CREBBP: variants seen among roughly 807,000 people sequenced by gnomAD.
The protein encoded by CREBBP is CREB binding lysine acetyltransferase, also known as CREB-binding protein.
CREBBP carries 19 observed loss-of-function variants against 265.0 expected under a neutral mutation model. The ratio of observed to expected loss-of-function variants is 0.07; its 90% CI spans 0.05 to 0.11. The LOEUF is 0.11. Ranked by LOEUF, CREBBP falls within the 10% of genes least tolerant of loss-of-function variation. The probability of loss-of-function intolerance (pLI) is 1.00; values close to 1 mark genes in which losing one functional copy is unlikely to be tolerated. For missense variants in CREBBP, 2,525 were observed against 3,219.0 expected (o/e 0.78, Z 5.22); for synonymous variants, 1,457 against 1,223.7 (o/e 1.19, Z -3.98).
intron 23 of CREBBP, chr16:3,743,577 C>A (rs2052267997): frequency 6.6e-6 from 1 of 152,162 alleles, no homozygotes; most frequent in African/African-American, 2.4e-5. Context: ...ACCTGTCCTG[C>A]CAGAGAAAGG....
At chr16:3,771,351 G>A (rs895736682) in intron 13 of CREBBP, among the ~76,000 whole-genome samples, 1 of 152,132 alleles carries the variant, frequency 6.6e-6, no homozygotes, top group South Asian at 2.1e-4. Flanking sequence ...TTACAGGCGT[G>A]AGCCACCGCG....
rs1448056936 is a variant in CREBBP, at chr16:3,732,057, G to A, written c.4729-120C>T. The A allele has an allele frequency of 2.5e-6, 4 of 1,573,100 alleles. No homozygotes were observed. The East Asian group carries it at 6.7e-5, about 26-fold the overall frequency. On this transcript the variant is annotated intron_variant, in intron 28 of 30. Coordinates refer to ENST00000262367, the MANE Select transcript of CREBBP (RefSeq NM_004380.3). Reference sequence around the variant, plus strand: ...GGCCAAAGTAGGTCACCACCAGGCAGACCCCATACGTGAACGGCTACAGGT... The same window carrying A: ...GGCCAAAGTAGGTCACCACCAGGCAAACCCCATACGTGAACGGCTACAGGT...
chr16:3,771,052 A>G, intron 13 of CREBBP, 66 bp from the exon 14 acceptor site: 11 of 1,591,830 alleles, frequency 6.9e-6, no homozygotes, highest in Non-Finnish European at 9.4e-6. Context: ...GAAACATTTG[A>G]AAAATTAAAT....
chr16:3,810,761 T>G lies in CREBBP; in HGVS notation c.817A>C (p.Thr273Pro). 1 of 1,613,894 alleles carries G rather than the reference T, an allele frequency of 6.2e-7. No homozygotes were observed. The highest frequency in any genetic ancestry group is 8.5e-7 in the Non-Finnish European group (1 of 1,180,016). ...CTAAAGGGCTGTCCAAATGGACTTG[T>G]GTTCCCAGTTATTCCCATCTGAAAC... ...GMAKMGITGN[T>P]SPFGQPFSQA... Residue 273 changes from threonine (T) to proline (P), a missense_variant, in exon 3 of 31, where the codon ACA becomes CCA. Thr to Pro is a conservative substitution (Grantham distance 38, BLOSUM62 -1). Coordinates refer to ENST00000262367, the MANE Select transcript of CREBBP (RefSeq NM_004380.3).
chr16:3,794,618 T>C (rs1423956825), intron 3 of CREBBP, among the ~76,000 whole-genome samples: 1 of 152,244 alleles, frequency 6.6e-6, no homozygotes, highest in Admixed American at 6.5e-5. Context: ...CAGCTGACAA[T>C]TTTTAAAGAT....
intron 1 of CREBBP, among the ~76,000 whole-genome samples, chr16:3,879,261 C>T (rs1045483641): frequency 7.6e-6 from 1 of 131,214 alleles, no homozygotes; most frequent in Non-Finnish European, 1.7e-5. Flanking sequence ...CACACACACA[C>T]AAAACAAGGA....
intron 1 of CREBBP, among the ~76,000 whole-genome samples, chr16:3,857,496 C>G (rs971708445): frequency 6.6e-6 from 1 of 152,204 alleles, no homozygotes; most frequent in African/African-American, 2.4e-5. Context: ...GTGAAGGAGG[C>G]AGGCCAGGAT....
chr16:3,773,615 A>T, intron 13 of CREBBP, 136 bp downstream of exon 13: 1 of 921,506 alleles, frequency 1.1e-6, no homozygotes, highest in Non-Finnish European at 1.6e-6. Context: ...GAGAAAACAA[A>T]GAGAAGCTGA....
intron 2 of CREBBP, among the ~76,000 whole-genome samples, chr16:3,837,851 G>A (rs796452169): frequency 1.3e-4 from 20 of 152,256 alleles, no homozygotes; most frequent in African/African-American, 4.6e-4. Context: ...CATGGCCTAA[G>A]TATATAGTGT....
chr16:3,798,861 G>A (rs913913418), intron 3 of CREBBP, among the ~76,000 whole-genome samples: 9 of 152,112 alleles, frequency 5.9e-5, no homozygotes, highest in Non-Finnish European at 1.0e-4. Flanking sequence ...GAAAATGCAC[G>A]TTCACACGAA....
At chr16:3,851,713 G>A (rs1006631903) in intron 1 of CREBBP, among the ~76,000 whole-genome samples, 2 of 151,736 alleles carry the variant, frequency 1.3e-5, no homozygotes, top group Non-Finnish European at 2.9e-5. Flanking sequence ...AATTAGCCGG[G>A]CGCGGTGGCG....
chr16:3,843,666 C>T (rs2054608166), intron 2 of CREBBP, among the ~76,000 whole-genome samples: 1 of 151,908 alleles, frequency 6.6e-6, no homozygotes, highest in Non-Finnish European at 1.5e-5. Context: ...GCAATCCTCC[C>T]ACCTCAGCCT....
intron 3 of CREBBP, among the ~76,000 whole-genome samples, chr16:3,799,367 T>C (rs571836533): frequency 1.6e-4 from 25 of 152,270 alleles, no homozygotes; most frequent in African/African-American, 4.3e-4. Flanking sequence ...ACTAAAGGAA[T>C]AGAAATAAAA....
At chr16:3,876,416 A>C (rs1014639346) in intron 1 of CREBBP, among the ~76,000 whole-genome samples, 1 of 150,504 alleles carries the variant, frequency 6.6e-6, no homozygotes, top group Non-Finnish European at 1.5e-5. Context: ...AAAAAAAAAA[A>C]AAAAAAAAAA....
intron 2 of CREBBP, among the ~76,000 whole-genome samples, chr16:3,843,423 A>ATT (rs71133662): frequency 0.037 from 5,194 of 141,798 alleles, 254 homozygotes; most frequent in East Asian, 0.2. Context: ...GTTGTCAAAG[A>ATT]TTTTTTTTTT....
rs1023921556 is a variant in CREBBP, at chr16:3,850,390, C to G, written c.705G>C (p.Ser235=). ...TTAGGGTCTCAGCCAGCACGCTGCT[C>G]GAGGCGCCCTGCATGGCTGGAGTAG... is the stretch of plus-strand genomic sequence containing the variant. The part of the protein sequence containing the change: ...PYPTPAMQGA[S]SSVLAETLTQ... Residue 235 remains serine (S), a synonymous_variant, in exon 2 of 31, where the codon TCG becomes TCC. Transcript: ENST00000262367. 13 of 1,614,210 alleles carry G rather than the reference C, an allele frequency of 8.1e-6. No individual in the cohort carries two copies. The highest frequency in any genetic ancestry group is 1.1e-5 in the Non-Finnish European group (13 of 1,180,034).
rs533040964 is a variant in CREBBP, at chr16:3,729,701, C to T, written c.5346G>A (p.Ala1782=). The T allele has an allele frequency of 3.2e-5, 51 of 1,612,264 alleles. No individual in the cohort carries two copies. The highest frequency in any genetic ancestry group is 3.9e-5 in the Non-Finnish European group (46 of 1,179,820). ...AGCAGTTGGCGTTGCGGCACTGGCA[C>T]GCGTGCACCAGCGACTGGATGCAGC... ...IQRCIQSLVH[A]CQCRNANCSL... is the part of the protein sequence containing the mutation. Residue 1782 remains alanine (A), a synonymous_variant, in exon 31 of 31, where the codon GCG becomes GCA. Transcript: ENST00000262367.
rs374689707 is a variant in CREBBP at position 3,793,654 on chromosome 16, C to A, written c.976-28G>T. The A allele has an allele frequency of 6.2e-6, 10 of 1,608,378 alleles. No individual in the cohort carries two copies. The African/African-American group carries it at 1.3e-4, about 22-fold the overall frequency. Reference sequence around the variant, plus strand: ...AAAATAAAGCAAAATAATAAAAATACTTTAACCTCTCAGAGTTCCAAGTCA... The same window carrying A: ...AAAATAAAGCAAAATAATAAAAATAATTTAACCTCTCAGAGTTCCAAGTCA... On this transcript the variant is annotated intron_variant, in intron 3 of 30. Coordinates refer to ENST00000262367, the MANE Select transcript of CREBBP (RefSeq NM_004380.3).
rs1454386414 is a variant in CREBBP, at chr16:3,726,687, T to C, written c.*1031A>G. On this transcript the variant is annotated 3_prime_UTR_variant, in exon 31 of 31. Coordinates refer to ENST00000262367, the MANE Select transcript of CREBBP (RefSeq NM_004380.3). Reference sequence around the variant, plus strand: ...AGTAATTTATATCAATTTTAAGCGGTACTTTATATACAATGGGGAAAAAAC... The same window carrying C: ...AGTAATTTATATCAATTTTAAGCGGCACTTTATATACAATGGGGAAAAAAC... 4.3e-5 allele frequency: 10 copies of C among 233,578 alleles called. No homozygotes were observed. Among genetic ancestry groups the C allele is most frequent in the Admixed American group, 5.6e-5 (1 of 17,790 alleles). 14.5% of individuals were successfully genotyped at this position (233,578 alleles called of 1,614,324 possible). A position where few individuals can be genotyped will look rare whatever the true frequency, so the allele number is the denominator to read the frequency against.
Sources: allele counts gnomAD v4.1 joint callset (sites outside exome capture counted in the v4.1 genomes callset), GRCh38; gene constraint gnomAD v4.1.1; transcripts MANE v1.5; gene names NCBI Gene and HGNC (gene_info 2026-07-23, HGNC 2026-07-21).